The following DNAH2 variants were observed in gnomAD, a reference collection of about 807,000 sequenced individuals.
DNAH2 encodes the protein axonemal beta dynein heavy chain 2.
Under a neutral mutation model 523.5 loss-of-function variants are expected in DNAH2, and 323 were observed. That is an observed-to-expected ratio of 0.62 (90% confidence interval 0.56 to 0.68). The LOEUF is 0.68. Ranked by LOEUF, DNAH2 falls within the 30% of genes least tolerant of loss-of-function variation. DNAH2 has a pLI of 0.00. For synonymous variants in DNAH2, 2,093 were observed against 2,177.4 expected (o/e 0.96, Z 1.08); for missense variants, 4,907 against 5,701.5 (o/e 0.86, Z 4.49).
intron 11 of DNAH2, 119 bp downstream of exon 11, chr17:7,741,111 A>G: frequency 7.7e-7 from 1 of 1,301,508 alleles, no homozygotes; most frequent in Non-Finnish European, 1.0e-6. Flanking sequence ...CGGTGAGGGG[A>G]GTGGCAGGTC....
intron 77 of DNAH2, 37 bp from the exon 78 acceptor site, chr17:7,830,263 T>C: frequency 6.3e-7 from 1 of 1,586,754 alleles, no homozygotes; most frequent in Non-Finnish European, 8.6e-7. Flanking sequence ...CTGAGTGTGA[T>C]GCATGTCACC....
At chr17:7,764,744 G>A (rs1382491135) in intron 20 of DNAH2, among the ~76,000 whole-genome samples, 1 of 144,756 alleles carries the variant, frequency 6.9e-6, no homozygotes, top group African/African-American at 2.6e-5. Flanking sequence ...TTACAGGTGT[G>A]AGCCACCGCA....
At position 7,832,541 on chromosome 17, in the gene DNAH2, C is replaced by A; in HGVS notation, c.12727-38C>A. On this transcript the variant is annotated intron_variant, in intron 82 of 85. Coordinates refer to ENST00000572933, the MANE Select transcript of DNAH2 (RefSeq NM_020877.5). The surrounding 1 kb of genome is among the most constrained non-coding windows in gnomAD (Gnocchi z 4.3). ...AATAAATAATACGGATTTGAATGCA[C>A]GGCTAAATGAGTGAATACACACGCA... 2 of 1,598,042 alleles carry A rather than the reference C, an allele frequency of 1.3e-6. No individual in the cohort carries two copies. Among genetic ancestry groups the A allele is most frequent in the Non-Finnish European group, 8.5e-7 (1 of 1,171,010 alleles).
chr17:7,771,489 G>T, intron 28 of DNAH2, 21 bp downstream of exon 28: 1 of 1,612,782 alleles, frequency 6.2e-7, no homozygotes, highest in Non-Finnish European at 8.5e-7. Flanking sequence ...CAGGGCTCCT[G>T]CCCTGACACA....
At chr17:7,793,309 C>A in intron 48 of DNAH2, 104 bp downstream of exon 48, 1 of 1,195,542 alleles carries the variant, frequency 8.4e-7, no homozygotes, top group South Asian at 1.5e-5. Context: ...ATCTTGGATT[C>A]CTTCCCACAC....
chr17:7,736,210 A>G (rs1266554416), intron 7 of DNAH2, among the ~76,000 whole-genome samples: 1 of 152,192 alleles, frequency 6.6e-6, no homozygotes, highest in African/African-American at 2.4e-5. Flanking sequence ...ATGATGTGAC[A>G]GGCTGATTAT....
At chr17:7,729,408 A>G (rs2074921516) in intron 4 of DNAH2, among the ~76,000 whole-genome samples, 1 of 149,136 alleles carries the variant, frequency 6.7e-6, no homozygotes, top group Non-Finnish European at 1.5e-5. Context: ...AAAGAGAGAG[A>G]GAGAGAGGAG....
Position 7,786,341 on chromosome 17 carries a change from G to C in DNAH2, c.6347G>C (p.Arg2116Thr), listed in dbSNP as rs1335079370. 1.9e-6 allele frequency: 3 copies of C among 1,611,298 alleles called. No individual in the cohort carries two copies. Among genetic ancestry groups the C allele is most frequent in the Admixed American group, 1.7e-5 (1 of 59,972 alleles). Reference protein sequence around the residue: ...RAGDPNFNIVREFPLNPKALS... With the variant: ...RAGDPNFNIVTEFPLNPKALS... ...GGAGACCCTAACTTCAACATTGTTA[G>C]AGTACGGGGCTGGGACAGTGGAGTC... Residue 2116 changes from arginine (R) to threonine (T), a missense_variant and splice_region_variant, in exon 40 of 86, where the codon AGA (arginine) becomes ACA (threonine). Coordinates refer to ENST00000572933, the MANE Select transcript of DNAH2 (RefSeq NM_020877.5). This position sits in a 1 kb window ranked among gnomAD's most constrained non-coding sequence, Gnocchi z 7.5.
rs764300941 is a variant in DNAH2, at chr17:7,817,946, G to A, written c.10237G>A (p.Gly3413Ser). ...KWIKNMEGGQGLKIIDLQMSD... is the reference protein window; with the variant it reads ...KWIKNMEGGQSLKIIDLQMSD... Reference sequence around the variant, plus strand: ...CTTCACCTTCCCCCTTGCTCTCTAGGGCCTGAAGATCATCGACCTGCAGAT... The same window carrying A: ...CTTCACCTTCCCCCTTGCTCTCTAGAGCCTGAAGATCATCGACCTGCAGAT... Residue 3413 changes from glycine to serine, a missense_variant and splice_region_variant, in exon 68 of 86, where the codon GGC (glycine) becomes AGC (serine). Transcript: ENST00000572933. 9 of 1,613,850 alleles carry A rather than the reference G, an allele frequency of 5.6e-6. No homozygotes were observed. Among genetic ancestry groups the A allele is most frequent in the Non-Finnish European group, 3.4e-6 (4 of 1,179,984 alleles).
At position 7,727,205 on chromosome 17, in the gene DNAH2, CTT is replaced by C. The variant is rs1265629089; in HGVS notation, c.314_315del (p.Phe105CysfsTer14). The C allele has an allele frequency of 6.2e-7, 1 of 1,609,036 alleles. No homozygotes were observed. Among genetic ancestry groups the C allele is most frequent in the Non-Finnish European group, 8.5e-7 (1 of 1,178,186 alleles). On this transcript the variant is annotated frameshift_variant, in exon 4 of 86. Transcript: ENST00000572933. LOFTEE classifies it high-confidence loss of function. ...TQEHDAILEH[F>X]AQDPTESILT... is the part of the protein sequence containing the mutation. ...AGGAGCATGATGCCATTCTGGAACA[CTT>C]TGCCCAGGACCCTACAGAATCCATC... is the stretch of plus-strand genomic sequence containing the variant.
At chr17:7,725,521 C>T (rs908018146) in intron 3 of DNAH2, among the ~76,000 whole-genome samples, 5 of 151,242 alleles carry the variant, frequency 3.3e-5, no homozygotes, top group Admixed American at 2.0e-4. Context: ...CAACCTCCGC[C>T]TCCCGGGCTC....
intron 49 of DNAH2, among the ~76,000 whole-genome samples, chr17:7,796,111 C>T (rs1156740061): frequency 3.5e-5 from 5 of 141,434 alleles, no homozygotes; most frequent in Non-Finnish European, 6.0e-5. Flanking sequence ...TGCAGTGGCA[C>T]GATGTTGGCT....
chr17:7,824,093 C>T, intron 75 of DNAH2, 28 bp from the exon 76 acceptor site: 1 of 1,568,008 alleles, frequency 6.4e-7, no homozygotes, highest in Non-Finnish European at 8.6e-7. Context: ...TGGCCTTCTG[C>T]CTGATGCTAT....
At position 7,776,994 on chromosome 17, in the gene DNAH2, G is replaced by A. The variant is rs2076471892; in HGVS notation, c.5058+105G>A. 4.4e-6 allele frequency: 4 copies of A among 914,194 alleles called. No individual in the cohort carries two copies. In the South Asian group the frequency reaches 4.4e-5, roughly 10 times the overall value. 56.6% of individuals were successfully genotyped at this position (914,194 alleles called of 1,614,324 possible). On this transcript the variant is annotated intron_variant, in intron 32 of 85. Coordinates refer to ENST00000572933, the MANE Select transcript of DNAH2 (RefSeq NM_020877.5). ...AGCCCAGGAGTTCGAGACCAGCCTG[G>A]GCAATATGGCGAAACCCCTTCTTTA...
intron 39 of DNAH2, among the ~76,000 whole-genome samples, chr17:7,783,803 A>C (rs1359395084): frequency 6.6e-6 from 1 of 151,314 alleles, no homozygotes; most frequent in African/African-American, 2.4e-5. Context: ...CTGTTTCCAA[A>C]AAAAAAAAAA....
intron 12 of DNAH2, among the ~76,000 whole-genome samples, chr17:7,746,359 T>C (rs2075518629): frequency 1.3e-5 from 2 of 152,208 alleles, no homozygotes; most frequent in Non-Finnish European, 2.9e-5. Context: ...GGAATAGACA[T>C]ATATGTCTAC....
chr17:7,814,614 C>A (rs575786588), intron 63 of DNAH2, among the ~76,000 whole-genome samples: 1 of 152,364 alleles, frequency 6.6e-6, no homozygotes, highest in Non-Finnish European at 1.5e-5. Flanking sequence ...TGGCTCACGC[C>A]TGTAATCCCA....
chr17:7,813,128 C>T (rs1365377428), intron 63 of DNAH2, among the ~76,000 whole-genome samples: 1 of 152,084 alleles, frequency 6.6e-6, no homozygotes, highest in Admixed American at 6.5e-5. Flanking sequence ...ATCCTCATGC[C>T]CTTAGGCCTT....
Position 7,821,231 on chromosome 17 carries a change from C to T in DNAH2, c.11016-12C>T. The T allele has an allele frequency of 6.2e-7, 1 of 1,611,180 alleles. No homozygotes were observed. The highest frequency in any genetic ancestry group is 8.5e-7 in the Non-Finnish European group (1 of 1,178,136). On this transcript the variant is annotated splice_polypyrimidine_tract_variant and intron_variant, in intron 72 of 85. Coordinates refer to ENST00000572933, the MANE Select transcript of DNAH2 (RefSeq NM_020877.5). This position sits in a 1 kb window ranked among gnomAD's most constrained non-coding sequence, Gnocchi z 5.0. Reference sequence around the variant, plus strand: ...ATGCTGCCCCTCCCTCTTCCCTGTCCCTTTCTCCCAGGTACACCTGCCGTA... The same window carrying T: ...ATGCTGCCCCTCCCTCTTCCCTGTCTCTTTCTCCCAGGTACACCTGCCGTA...
Sources: gnomAD v4.1 joint callset for allele counts (sites outside exome capture counted in the v4.1 genomes callset) on GRCh38, gnomAD v4.1.1 for gene constraint, Gnocchi (gnomAD v3.1) non-coding constraint, MANE v1.5 for transcripts, NCBI Gene and HGNC (gene_info 2026-07-23, HGNC 2026-07-21) for gene names.